LRRC4C: variants seen among roughly 807,000 people sequenced by gnomAD.
The protein encoded by LRRC4C is leucine rich repeat containing 4C.
Under a neutral mutation model 33.6 loss-of-function variants are expected in LRRC4C, and 5 were observed. That is an observed-to-expected ratio of 0.15 (90% CI 0.08 to 0.31). The LOEUF (loss-of-function observed/expected upper bound fraction) is 0.31. Among genes scored for constraint, LRRC4C ranks in the 10% least tolerant of loss-of-function variants. LRRC4C has a pLI of 1.00. For missense variants in LRRC4C, 560 were observed against 796.7 expected (o/e 0.70, Z 3.58); for synonymous variants, 329 against 302.0 (o/e 1.09, Z -0.93).
At chr11:41,426,007 T>G (rs1273032380) in intron 1 of LRRC4C, among the ~76,000 whole-genome samples, 1 of 152,172 alleles carries the variant, frequency 6.6e-6, no homozygotes, top group Non-Finnish European at 1.5e-5. Flanking sequence ...CTTCTAAAAC[T>G]GAATGTTCTT....
chr11:40,434,038 C>T (rs1464640003), intron 3 of LRRC4C, among the ~76,000 whole-genome samples: 2 of 152,074 alleles, frequency 1.3e-5, no homozygotes, highest in African/African-American at 2.4e-5. Flanking sequence ...ACTATTTTTT[C>T]TTCTTTTCTT....
At chr11:41,392,959 C>T (rs537300822) in intron 1 of LRRC4C, among the ~76,000 whole-genome samples, 1 of 151,840 alleles carries the variant, frequency 6.6e-6, no homozygotes, top group Admixed American at 6.6e-5. Flanking sequence ...TCAGGAAAAT[C>T]CTCTGGCATA....
chr11:41,101,928 T>C (rs143476912), intron 1 of LRRC4C, among the ~76,000 whole-genome samples: 96 of 151,930 alleles, frequency 6.3e-4, no homozygotes, highest in African/African-American at 2.3e-3. Context: ...GGGAGCCAAA[T>C]GATAAGAACA....
At chr11:40,960,830 T>C (rs1408399759) in intron 1 of LRRC4C, among the ~76,000 whole-genome samples, 2 of 151,674 alleles carry the variant, frequency 1.3e-5, no homozygotes, top group Admixed American at 1.3e-4. Flanking sequence ...GCTGCTATGA[T>C]TAAAAACTGC....
At chr11:40,505,651 T>C (rs1364982109) in intron 3 of LRRC4C, among the ~76,000 whole-genome samples, 2 of 152,186 alleles carry the variant, frequency 1.3e-5, no homozygotes, top group African/African-American at 4.8e-5. Flanking sequence ...TTCAGATGTA[T>C]GTCAGGCATT....
chr11:40,218,799 C>G (rs1224240283), intron 5 of LRRC4C, among the ~76,000 whole-genome samples: 3 of 151,488 alleles, frequency 2.0e-5, no homozygotes, highest in Admixed American at 1.3e-4. Flanking sequence ...GATTCCCCAC[C>G]CTGGCAATGG....
chr11:40,198,378 A>G (rs927881718), intron 5 of LRRC4C, among the ~76,000 whole-genome samples: 29 of 152,222 alleles, frequency 1.9e-4, no homozygotes, highest in Admixed American at 5.9e-4. Flanking sequence ...ATTAGTGGAA[A>G]TCTAAGTCCA....
intron 1 of LRRC4C, among the ~76,000 whole-genome samples, chr11:41,229,354 A>G (rs1947680835): frequency 6.6e-6 from 1 of 152,112 alleles, no homozygotes; most frequent in African/African-American, 2.4e-5. Context: ...TAGTTCCAGA[A>G]CTGTGAGAAA....
chr11:40,335,913 T>C (rs1343840035), intron 3 of LRRC4C, among the ~76,000 whole-genome samples: 1 of 152,182 alleles, frequency 6.6e-6, no homozygotes, highest in African/African-American at 2.4e-5. Context: ...GTTTCTCATC[T>C]CTTTGCCCCA....
chr11:41,441,908 T>G (rs1955631329), intron 1 of LRRC4C, among the ~76,000 whole-genome samples: 1 of 152,160 alleles, frequency 6.6e-6, no homozygotes, highest in Non-Finnish European at 1.5e-5. Context: ...TCTTCTGCCC[T>G]CAGAAATAAA....
At chr11:40,191,998 T>C (rs1019404811) in intron 5 of LRRC4C, among the ~76,000 whole-genome samples, 2 of 152,120 alleles carry the variant, frequency 1.3e-5, no homozygotes, top group African/African-American at 4.8e-5. Context: ...TTGTTATATA[T>C]ATATGTGAAC....
At chr11:40,463,370 G>C (rs530792734) in intron 3 of LRRC4C, among the ~76,000 whole-genome samples, 3 of 150,698 alleles carry the variant, frequency 2.0e-5, no homozygotes, top group African/African-American at 7.3e-5. Flanking sequence ...ATGGCAGCAG[G>C]ATGTTGTGAC....
chr11:40,953,523 A>G (rs1592176567), intron 1 of LRRC4C, among the ~76,000 whole-genome samples: 1 of 151,868 alleles, frequency 6.6e-6, no homozygotes, highest in South Asian at 2.1e-4. Flanking sequence ...ATGTAATTTC[A>G]TAAGCATATT....
At chr11:40,851,221 A>G (rs1953475728) in intron 2 of LRRC4C, among the ~76,000 whole-genome samples, 2 of 151,788 alleles carry the variant, frequency 1.3e-5, no homozygotes, top group Admixed American at 1.3e-4. Context: ...CTTCTGCCCA[A>G]TCAGCCACCC....
chr11:40,481,524 C>T (rs780227307), intron 3 of LRRC4C, among the ~76,000 whole-genome samples: 14 of 152,134 alleles, frequency 9.2e-5, no homozygotes, highest in Admixed American at 2.6e-4. Context: ...AATTCAGTAA[C>T]GGTCACCATA....
intron 3 of LRRC4C, among the ~76,000 whole-genome samples, chr11:40,535,926 T>C (rs1190120678): frequency 6.6e-6 from 1 of 152,236 alleles, no homozygotes; most frequent in Non-Finnish European, 1.5e-5. Context: ...GCAGACGCTA[T>C]GCATTTGATT....
At chr11:41,222,221 C>G (rs1163496313) in intron 1 of LRRC4C, among the ~76,000 whole-genome samples, 3 of 152,116 alleles carry the variant, frequency 2.0e-5, no homozygotes, top group African/African-American at 7.2e-5. Context: ...TTGAAAATCA[C>G]TTAAGACTGG....
At chr11:40,763,050 A>AAT (rs1042712759) in intron 2 of LRRC4C, among the ~76,000 whole-genome samples, 2 of 46,860 alleles carry the variant, frequency 4.3e-5, no homozygotes, top group African/African-American at 6.2e-5. Context: ...CCTCTCTCCA[A>AAT]ATATATATAT....
intron 3 of LRRC4C, among the ~76,000 whole-genome samples, chr11:40,418,265 G>GA (rs1474273048): frequency 1.3e-5 from 2 of 151,760 alleles, no homozygotes; most frequent in African/African-American, 4.8e-5. Flanking sequence ...AAAATTACAA[G>GA]AAAAAACAAA....
Sources: gnomAD v4.1 joint callset for allele counts (sites outside exome capture counted in the v4.1 genomes callset) on GRCh38, gnomAD v4.1.1 for gene constraint, MANE v1.5 for transcripts, NCBI Gene and HGNC (gene_info 2026-07-23, HGNC 2026-07-21) for gene names.